The following PTH2R variants were observed in gnomAD, a reference collection of about 807,000 sequenced individuals.
The protein encoded by PTH2R is PTH2 receptor.
A neutral mutation model predicts 60.3 loss-of-function variants in PTH2R; 59 were observed. The observed-to-expected ratio is 0.98, with a 90% CI of 0.79 to 1.22. The LOEUF (loss-of-function observed/expected upper bound fraction) is 1.22. Ranked by LOEUF, PTH2R falls within the 50% of genes most tolerant of loss-of-function variation. PTH2R has a pLI of 0.00. For synonymous variants in PTH2R, 256 were observed against 243.8 expected, an observed-to-expected ratio of 1.05 and a Z score of -0.47; for missense variants, 749 against 682.6, an observed-to-expected ratio of 1.10 and a Z score of -1.08.
At chr2:208,489,477 A>G (rs1159118268) in intron 11 of PTH2R, among the ~76,000 whole-genome samples, 1 of 152,170 alleles carries the variant, frequency 6.6e-6, no homozygotes, top group Non-Finnish European at 1.5e-5. Context: ...AAGATAAACA[A>G]AAGTAAAAGA....
At chr2:208,452,240 C>T (rs1040865665) in intron 8 of PTH2R, among the ~76,000 whole-genome samples, 14 of 152,020 alleles carry the variant, frequency 9.2e-5, no homozygotes, top group Non-Finnish European at 1.9e-4. Flanking sequence ...CTGTCAAATG[C>T]AGTTAAAATG....
chr2:208,381,887 T>G (rs1052034888), intron 1 of PTH2R, among the ~76,000 whole-genome samples: 1 of 152,128 alleles, frequency 6.6e-6, no homozygotes, highest in Non-Finnish European at 1.5e-5. Flanking sequence ...ATAAAGGGAA[T>G]CATATCTGCA....
At position 208,493,300 on chromosome 2, in the gene PTH2R, A is replaced by G. The variant is rs1703449328; in HGVS notation, c.1294A>G (p.Asn432Asp). ...AEVKKMWSRWNLSVDWKRTPP... is the reference protein window; with the variant it reads ...AEVKKMWSRWDLSVDWKRTPP... ...GGTGAAGAAGATGTGGAGTCGGTGG[A>G]ACCTCTCCGTGGACTGGAAAAGGAC... The change falls in exon 13 of 13, where the codon AAC (asparagine) becomes GAC (aspartate). Residue 432 changes from asparagine (N) to aspartate (D), a missense_variant. Coordinates refer to ENST00000272847, the MANE Select transcript of PTH2R (RefSeq NM_005048.4). The G allele has an allele frequency of 6.6e-7, 1 of 1,521,868 alleles. No individual in the cohort carries two copies. The highest frequency in any genetic ancestry group is 2.1e-5 in the Admixed American group (1 of 47,124). The allele number at this position is 1,521,868 out of a possible 1,614,324, so 94.3% of individuals were successfully genotyped here. A position where few individuals can be genotyped will look rare whatever the true frequency, so the allele number is the denominator to read the frequency against.
chr2:208,419,076 G>T (rs1332680862), intron 1 of PTH2R, among the ~76,000 whole-genome samples: 1 of 152,160 alleles, frequency 6.6e-6, no homozygotes, highest in African/African-American at 2.4e-5. Context: ...TCTAGTTCTA[G>T]ATTCCTGAGC....
At chr2:208,382,262 A>G (rs904770194) in intron 1 of PTH2R, among the ~76,000 whole-genome samples, 6 of 152,132 alleles carry the variant, frequency 3.9e-5, no homozygotes, top group East Asian at 3.8e-4. Context: ...TAGCTATTCT[A>G]TGAGCATTCA....
At chr2:208,375,186 T>C (rs1700771734) in intron 1 of PTH2R, among the ~76,000 whole-genome samples, 1 of 152,192 alleles carries the variant, frequency 6.6e-6, no homozygotes. Context: ...GTATCTATTT[T>C]ATAAGCCATC....
intron 9 of PTH2R, among the ~76,000 whole-genome samples, chr2:208,476,860 A>G (rs946243086): frequency 6.6e-6 from 1 of 152,180 alleles, no homozygotes; most frequent in African/African-American, 2.4e-5. Flanking sequence ...CCCCATAATT[A>G]GTCAGGATCT....
At chr2:208,404,648 C>T (rs971332428), upstream of PTH2R, among the ~76,000 whole-genome samples, 1 of 152,118 alleles carries the variant, frequency 6.6e-6, no homozygotes, top group Non-Finnish European at 1.5e-5. Context: ...AACAACCTTT[C>T]CTAATTAAAC....
intron 1 of PTH2R, among the ~76,000 whole-genome samples, chr2:208,361,747 CAT>C (rs1055156493): frequency 3.3e-5 from 5 of 151,102 alleles, no homozygotes; most frequent in African/African-American, 1.2e-4. Flanking sequence ...TGTTGTAGCA[CAT>C]GTCAAGATTT....
At chr2:208,446,176 C>T (rs141871624) in intron 7 of PTH2R, among the ~76,000 whole-genome samples, 42 of 151,882 alleles carry the variant, frequency 2.8e-4, no homozygotes, top group Non-Finnish European at 5.4e-4. Flanking sequence ...TTCTTTTTTT[C>T]TCTTTATTTA....
chr2:208,383,430 C>T (rs1277277263), intron 1 of PTH2R, among the ~76,000 whole-genome samples: 2 of 152,154 alleles, frequency 1.3e-5, no homozygotes, highest in Non-Finnish European at 2.9e-5. Flanking sequence ...GACTCCAAGG[C>T]ACTTTGGAAG....
In PTH2R at chr2:208,450,892, T is replaced by C. The variant is rs1702394230; in HGVS notation, c.914+83T>C. On this transcript the variant is annotated intron_variant, in intron 8 of 12. Coordinates refer to ENST00000272847, the MANE Select transcript of PTH2R (RefSeq NM_005048.4). ...CCTGCTCAGAATTCACACTCGCTTC[T>C]GTTCTTGATGCCATTGCTTTTTAGG... 9 of 1,438,830 alleles carry C rather than the reference T, an allele frequency of 6.3e-6. No homozygotes were observed. The Admixed American group carries it at 1.4e-4, about 22-fold the overall frequency. 89.1% of individuals were successfully genotyped at this position (1,438,830 alleles called of 1,614,324 possible). A position where few individuals can be genotyped will look rare whatever the true frequency, so the allele number is the denominator to read the frequency against.
rs145301116 is a variant in PTH2R, at chr2:208,429,011, G to C, written c.178+708G>C. ...GAGGCAGGAGAATCGCTTGAACCCGGGAGGTGGAGGTTGCGGTGAGCTGAG... is the reference window on the plus strand; with the variant it reads ...GAGGCAGGAGAATCGCTTGAACCCGCGAGGTGGAGGTTGCGGTGAGCTGAG... On this transcript the variant is annotated intron_variant, in intron 2 of 12. Transcript: ENST00000272847. Among the ~76,000 whole-genome samples, 920 of 152,026 alleles carry C rather than the reference G, an allele frequency of 6.1e-3. 9 individuals carry two copies. The highest frequency in any genetic ancestry group is 0.021 in the African/African-American group (858 of 41,430).
chr2:208,410,762 TTGTGTG>T (rs10688062), intron 1 of PTH2R, among the ~76,000 whole-genome samples: 14 of 150,636 alleles, frequency 9.3e-5, no homozygotes, highest in African/African-American at 7.3e-5. Flanking sequence ...AGATAAAAGA[TTGTGTG>T]TGTGTGTGTG....
intron 9 of PTH2R, among the ~76,000 whole-genome samples, chr2:208,472,568 T>C (rs1273529297): frequency 1.3e-5 from 2 of 152,196 alleles, no homozygotes; most frequent in Non-Finnish European, 1.5e-5. Context: ...CTCTCTTCTC[T>C]TGTCTTCCAC....
rs73983782 is a variant in PTH2R, at chr2:208,463,768, T to C, written c.981+3807T>C. On this transcript the variant is annotated intron_variant, in intron 9 of 12. Coordinates refer to ENST00000272847, the MANE Select transcript of PTH2R (RefSeq NM_005048.4). ...AATAATGTTGGTTTCTGGACAGCAA[T>C]AAAGCTAACACATTCTACCTTGTAT... Among the ~76,000 whole-genome samples the C allele has an allele frequency of 3.9e-3, 600 of 152,354 alleles. 3 individuals carry two copies. Among genetic ancestry groups the C allele is most frequent in the African/African-American group, 0.013 (561 of 41,576 alleles).
At chr2:208,465,910 G>T (rs1485699159) in intron 9 of PTH2R, among the ~76,000 whole-genome samples, 1 of 151,730 alleles carries the variant, frequency 6.6e-6, no homozygotes, top group African/African-American at 2.4e-5. Context: ...CCAAATGCTG[G>T]CATTGTTCAG....
intron 4 of PTH2R, 118 bp from the exon 5 acceptor site, chr2:208,442,246 A>G: frequency 3.9e-6 from 3 of 765,062 alleles, no homozygotes; most frequent in Non-Finnish European, 6.6e-6. Flanking sequence ...CATGCAAATT[A>G]CAGCTTAAAA....
At chr2:208,360,719 T>A (rs1220313012) in intron 1 of PTH2R, 1 of 153,232 alleles carries the variant, frequency 6.5e-6, no homozygotes, top group Non-Finnish European at 1.5e-5. Context: ...GCCCTCCTCT[T>A]GTTGGCATCA....
Sources: gnomAD v4.1 joint callset for allele counts (sites outside exome capture counted in the v4.1 genomes callset) on GRCh38, gnomAD v4.1.1 for gene constraint, MANE v1.5 for transcripts, NCBI Gene and HGNC (gene_info 2026-07-23, HGNC 2026-07-21) for gene names.